Variants in BTNL9 observed in about 807,000 individuals in gnomAD.
BTNL9 encodes the protein butyrophilin-like protein 9.
In BTNL9, 45 loss-of-function variants were observed where a neutral mutation model predicts 45.8. The ratio of observed to expected loss-of-function variants is 0.98; its 90% CI spans 0.77 to 1.26. The LOEUF is 1.26. Ranked by LOEUF, BTNL9 falls within the 50% of genes most tolerant of loss-of-function variation. The pLI, the probability that BTNL9 is intolerant of heterozygous loss-of-function variation, is 0.00. For missense variants in BTNL9, 784 were observed against 729.7 expected (o/e 1.07, Z -0.86); for synonymous variants, 346 against 330.8 (o/e 1.05, Z -0.50).
chr5:181,055,358 T>C lies in BTNL9; in HGVS notation c.908-75T>C. On this transcript the variant is annotated intron_variant, in intron 7 of 10. Coordinates refer to ENST00000327705, the MANE Select transcript of BTNL9 (RefSeq NM_152547.5). This position sits in a 1 kb window ranked among gnomAD's most constrained non-coding sequence, Gnocchi z 4.4. ...AGTGGCTTAAGACTAAGGAAGCTCT[T>C]CCCAGTGGCCTGTCTTGGGAAGATG... is the stretch of plus-strand genomic sequence containing the variant. 2 of 1,613,172 alleles carry C rather than the reference T, an allele frequency of 1.2e-6. No homozygotes were observed. The highest frequency in any genetic ancestry group is 1.7e-6 in the Non-Finnish European group (2 of 1,179,678).
chr5:181,054,977 T>C (rs908352451), intron 7 of BTNL9: 1 of 985,342 alleles, frequency 1.0e-6, no homozygotes, highest in African/African-American at 1.7e-5. Flanking sequence ...AGTAGCAAAA[T>C]GTTGGAGTCC....
intron 9 of BTNL9, 80 bp from the exon 10 acceptor site, chr5:181,058,268 TCATA>T: frequency 6.7e-7 from 1 of 1,495,594 alleles, no homozygotes; most frequent in Non-Finnish European, 9.3e-7. Flanking sequence ...CATGCATCCC[TCATA>T]CATCTGGAGA....
At position 181,048,180 on chromosome 5, in the gene BTNL9, C is replaced by A; in HGVS notation, c.363C>A (p.His121Gln). 1 of 1,613,484 alleles carries A rather than the reference C, an allele frequency of 6.2e-7. No individual in the cohort carries two copies. The change falls in exon 3 of 11, where the codon CAC (histidine) becomes CAA (glutamine). Residue 121 changes from histidine (H) to glutamine (Q), a missense_variant. Coordinates refer to ENST00000327705, the MANE Select transcript of BTNL9 (RefSeq NM_152547.5). ...IAYGSVVLQL[H>Q]SIIPSDKGTY... ...ATGGCAGCGTGGTCCTGCAGCTTCA[C>A]AGCATCATCCCCTCTGACAAGGGCA... is the stretch of plus-strand genomic sequence containing the variant.
rs184327346 is a variant in BTNL9, at chr5:181,045,670, G to A, written c.109+72G>A. On this transcript the variant is annotated intron_variant, in intron 2 of 10. Transcript: ENST00000327705. ...CCTGCCAGGTGCTCCCCAGGGCTAC[G>A]ATCTTAGCACAGTACCAGGGCGTGC... 6.0e-5 allele frequency: 74 copies of A among 1,237,636 alleles called. No homozygotes were observed. The African/African-American group carries it at 9.2e-4, about 15-fold the overall frequency. 76.7% of individuals were successfully genotyped at this position (1,237,636 alleles called of 1,614,324 possible). A position where few individuals can be genotyped will look rare whatever the true frequency, so the allele number is the denominator to read the frequency against.
In BTNL9 at chr5:181,050,979, C is replaced by T. The variant is rs184108011; in HGVS notation, c.736+610C>T. Reference sequence around the variant, plus strand: ...GCAGGCGCCTGTAATCCCAGCTACTCGGGAGGCTGAGGCAGGAGAATCGCT... The same window carrying T: ...GCAGGCGCCTGTAATCCCAGCTACTTGGGAGGCTGAGGCAGGAGAATCGCT... On this transcript the variant is annotated intron_variant, in intron 4 of 10. Coordinates refer to ENST00000327705, the MANE Select transcript of BTNL9 (RefSeq NM_152547.5). The surrounding 1 kb of genome is among the most constrained non-coding windows in gnomAD (Gnocchi z 4.9). Among the ~76,000 whole-genome samples the T allele has an allele frequency of 0.037, 5,493 of 150,442 alleles. 145 individuals carry two copies. The highest frequency in any genetic ancestry group is 0.078 in the South Asian group (371 of 4,732).
Position 181,053,627 on chromosome 5 carries a change from C to G in BTNL9, c.886+126C>G. The G allele has an allele frequency of 6.5e-7, 1 of 1,544,368 alleles. No homozygotes were observed. The highest frequency in any genetic ancestry group is 8.7e-7 in the Non-Finnish European group (1 of 1,142,986). On this transcript the variant is annotated intron_variant, in intron 6 of 10. Coordinates refer to ENST00000327705, the MANE Select transcript of BTNL9 (RefSeq NM_152547.5). The surrounding 1 kb of genome is among the most constrained non-coding windows in gnomAD (Gnocchi z 6.5). ...AGGTGTCAGGGCGGCCACCGGGGAA[C>G]GGGGATCGGTGACCCCGGTGGGGAA...
chr5:181,047,982 G>A lies in BTNL9; in HGVS notation c.165G>A (p.Val55=), dbSNP rs757557130. 14 of 1,613,842 alleles carry A rather than the reference G, an allele frequency of 8.7e-6. No individual in the cohort carries two copies. The highest frequency in any genetic ancestry group is 3.3e-4 in the Middle Eastern group (2 of 6,026). Residue 55 remains valine, a synonymous_variant, in exon 3 of 11, where the codon GTG becomes GTA. Coordinates refer to ENST00000327705, the MANE Select transcript of BTNL9 (RefSeq NM_152547.5). ...YPILALVGEE[V]EFPCHLWPQL... ...TCCTGGCCCTCGTCGGGGAGGAGGT[G>A]GAGTTCCCGTGCCACCTATGGCCAC... is the stretch of plus-strand genomic sequence containing the variant.
intron 9 of BTNL9, chr5:181,056,546 G>A (rs952182517): frequency 1.1e-5 from 8 of 717,372 alleles, no homozygotes; most frequent in Admixed American, 4.0e-5. Context: ...AGAGTGCTTC[G>A]TTTTAGCCAG....
Position 181,055,586 on chromosome 5 carries a change from A to G in BTNL9, c.928+133A>G, listed in dbSNP as rs1253269413. ...AGATCGAGACCAGCCTGGCTAACACAGTGAAACCCCGTCTCTTCTAAAAAT... is the reference window on the plus strand; with the variant it reads ...AGATCGAGACCAGCCTGGCTAACACGGTGAAACCCCGTCTCTTCTAAAAAT... On this transcript the variant is annotated intron_variant, in intron 8 of 10. Coordinates refer to ENST00000327705, the MANE Select transcript of BTNL9 (RefSeq NM_152547.5). The surrounding 1 kb of genome is among the most constrained non-coding windows in gnomAD (Gnocchi z 4.4). 4 of 1,039,986 alleles carry G rather than the reference A, an allele frequency of 3.8e-6. No individual in the cohort carries two copies. The Admixed American group carries it at 7.2e-5, about 19-fold the overall frequency. 64.4% of individuals were successfully genotyped at this position (1,039,986 alleles called of 1,614,324 possible).
intron 6 of BTNL9, 21 bp from the exon 7 acceptor site, chr5:181,054,218 T>G (rs1761751714): frequency 2.4e-6 from 2 of 830,816 alleles, no homozygotes; most frequent in Non-Finnish European, 3.7e-6. Context: ...TTCTTCATCT[T>G]TTTTTTTTTT....
intron 1 of BTNL9, among the ~76,000 whole-genome samples, chr5:181,044,042 CTGTT>C (rs1188220716): frequency 6.6e-6 from 1 of 152,250 alleles, no homozygotes. Flanking sequence ...AACCTGTCCT[CTGTT>C]TGTCCCCTCA....
Position 181,055,896 on chromosome 5 carries a change from G to A in BTNL9, c.929-93G>A, listed in dbSNP as rs764994086. On this transcript the variant is annotated intron_variant, in intron 8 of 10. Transcript: ENST00000327705. The surrounding 1 kb of genome is among the most constrained non-coding windows in gnomAD (Gnocchi z 4.4). ...CTGCTGGCTATGTGGGTGGTGGGGG[G>A]TGCGGGACAGGGTGGGTGCAAGATG... The A allele has an allele frequency of 2.1e-6, 3 of 1,461,206 alleles. No homozygotes were observed. The highest frequency in any genetic ancestry group is 2.3e-5 in the East Asian group (1 of 44,154). The allele number at this position is 1,461,206 out of a possible 1,614,324, so 90.5% of individuals were successfully genotyped here.
intron 9 of BTNL9, chr5:181,056,451 C>A: frequency 2.9e-6 from 2 of 682,614 alleles, no homozygotes; most frequent in Middle Eastern, 2.4e-4. Flanking sequence ...CTGTGATGTT[C>A]CTTGCTTTTC....
In BTNL9 at chr5:181,053,324, CGCGG is replaced by C; in HGVS notation, c.853+13_853+16del. 8.4e-6 allele frequency: 13 copies of C among 1,544,728 alleles called. No individual in the cohort carries two copies. The highest frequency in any genetic ancestry group is 1.1e-5 in the Non-Finnish European group (13 of 1,147,180). On this transcript the variant is annotated intron_variant, in intron 5 of 10. Transcript: ENST00000327705. The surrounding 1 kb of genome is among the most constrained non-coding windows in gnomAD (Gnocchi z 6.5). Reference sequence around the variant, plus strand: ...AGCAGCGGAGAAGCCGAGGTACCGGCGCGGGCGGCGGGGCGGGGAGGGGCACCGG... The same window carrying C: ...AGCAGCGGAGAAGCCGAGGTACCGGCGCGGCGGGGCGGGGAGGGGCACCGG...
rs573376302 is a variant in BTNL9 at position 181,055,756 on chromosome 5, G to A, written c.929-233G>A. 2.5e-3 allele frequency: 1,750 copies of A among 709,026 alleles called. 7 individuals carry two copies. Among genetic ancestry groups the A allele is most frequent in the South Asian group, 3.5e-3 (235 of 67,100 alleles). 43.9% of individuals were successfully genotyped at this position (709,026 alleles called of 1,614,324 possible). On this transcript the variant is annotated intron_variant, in intron 8 of 10. Transcript: ENST00000327705. This position sits in a 1 kb window ranked among gnomAD's most constrained non-coding sequence, Gnocchi z 4.4. ...TGCACTCCAGCCTGGGCGACAGAGC[G>A]AGACTCTGTCTCAAAAAAAAAAAGA... is the stretch of plus-strand genomic sequence containing the variant.
intron 1 of BTNL9, among the ~76,000 whole-genome samples, chr5:181,041,647 CAG>C (rs1466924960): frequency 1.3e-5 from 2 of 152,200 alleles, no homozygotes; most frequent in East Asian, 3.8e-4. Flanking sequence ...TAAAAACAAA[CAG>C]TCCTAAGTGT....
Position 181,053,573 on chromosome 5 carries a change from G to A in BTNL9, c.886+72G>A. The A allele has an allele frequency of 3.2e-6, 5 of 1,551,548 alleles. No homozygotes were observed. The highest frequency in any genetic ancestry group is 4.4e-6 in the Non-Finnish European group (5 of 1,147,384). ...ACCCGCCGTCATCTAAAGGCTGTGG[G>A]TCCCGTTACGAGGGTTTATTCCAGC... On this transcript the variant is annotated intron_variant, in intron 6 of 10. Transcript: ENST00000327705. The surrounding 1 kb of genome is among the most constrained non-coding windows in gnomAD (Gnocchi z 6.5).
chr5:181,050,146 G>A lies in BTNL9; in HGVS notation c.513G>A (p.Leu171=), dbSNP rs1311597712. The change falls in exon 4 of 11, where the codon CTG becomes CTA. Residue 171 remains leucine (L), a synonymous_variant. Coordinates refer to ENST00000327705, the MANE Select transcript of BTNL9 (RefSeq NM_152547.5). The surrounding 1 kb of genome is among the most constrained non-coding windows in gnomAD (Gnocchi z 4.9). The part of the protein sequence containing the change: ...LEGFKEGGIQ[L]RLRSSGWYPK... ...GCTTCAAGGAAGGAGGCATTCAGCT[G>A]AGGCTCAGATCCAGTGGCTGGTACC... is the stretch of plus-strand genomic sequence containing the variant. The A allele has an allele frequency of 1.2e-6, 2 of 1,614,128 alleles. No individual in the cohort carries two copies. The highest frequency in any genetic ancestry group is 1.7e-5 in the Admixed American group (1 of 60,034).
At chr5:181,046,425 G>A (rs921442534) in intron 2 of BTNL9, among the ~76,000 whole-genome samples, 2 of 152,166 alleles carry the variant, frequency 1.3e-5, no homozygotes, top group Non-Finnish European at 2.9e-5. Flanking sequence ...TCACTGGCCT[G>A]TGTTTGTGCT....
Sources: gnomAD v4.1 joint callset for allele counts (sites outside exome capture counted in the v4.1 genomes callset) on GRCh38, gnomAD v4.1.1 for gene constraint, Gnocchi (gnomAD v3.1) non-coding constraint, MANE v1.5 for transcripts, NCBI Gene and HGNC (gene_info 2026-07-23, HGNC 2026-07-21) for gene names.